The following RBFOX1 variants were observed in gnomAD, a reference collection of about 807,000 sequenced individuals.
RBFOX1 encodes the protein RNA binding fox-1 homolog 1.
In RBFOX1, 8 loss-of-function variants were observed where a neutral mutation model predicts 57.7. The observed-to-expected ratio is 0.14, with a 90% CI of 0.08 to 0.25. The LOEUF is 0.25. Ranked by LOEUF, RBFOX1 falls within the 10% of genes least tolerant of loss-of-function variation. The probability of loss-of-function intolerance (pLI) is 1.00; values close to 1 mark genes in which losing one functional copy is unlikely to be tolerated. For synonymous variants in RBFOX1, 326 were observed against 222.4 expected (o/e 1.47, Z -4.15); for missense variants, 611 against 548.5 (o/e 1.11, Z -1.14).
chr16:6,110,797 G>C (rs1193109674), intron 1 of RBFOX1, among the ~76,000 whole-genome samples: 3 of 152,098 alleles, frequency 2.0e-5, no homozygotes, highest in Non-Finnish European at 4.4e-5. Flanking sequence ...CTGCAACCAG[G>C]GAGGCAGTGC....
intron 2 of RBFOX1, among the ~76,000 whole-genome samples, chr16:6,420,358 C>T (rs997070246): frequency 6.6e-6 from 1 of 151,902 alleles, no homozygotes; most frequent in African/African-American, 2.4e-5. Flanking sequence ...TTTTCCCTAC[C>T]TCTTTCATTT....
chr16:6,584,449 C>G (rs373011418), intron 2 of RBFOX1, among the ~76,000 whole-genome samples: 167 of 151,698 alleles, frequency 1.1e-3, no homozygotes, highest in African/African-American at 3.9e-3. Context: ...CACACTCCAA[C>G]CTCTGCCTCC....
rs571102102 is a variant in RBFOX1, at chr16:5,472,581, C to T, written c.258+5327C>T. On this transcript the variant is annotated intron_variant, in intron 2 of 2. Transcript: ENST00000585867. ...GCATGCTGGAATGAAATCTTCTTCT[C>T]GTCTTCCAGGCTCCTTAATTATTTC... 9.2e-5 allele frequency among the ~76,000 whole-genome samples: 14 copies of T among 152,234 alleles called. No homozygotes were observed. In the East Asian group the frequency reaches 1.7e-3, roughly 19 times the overall value.
At chr16:6,805,650 G>C (rs1486269306) in intron 3 of RBFOX1, among the ~76,000 whole-genome samples, 1 of 149,888 alleles carries the variant, frequency 6.7e-6, no homozygotes, top group Non-Finnish European at 1.5e-5. Context: ...TTTACAAGGA[G>C]GGAAGTCTGT....
chr16:6,176,297 C>A (rs1011519713), intron 1 of RBFOX1, among the ~76,000 whole-genome samples: 2 of 150,340 alleles, frequency 1.3e-5, no homozygotes, highest in Admixed American at 1.3e-4. Flanking sequence ...AGGTGCCCAC[C>A]GCCATGCCTG....
intron 3 of RBFOX1, among the ~76,000 whole-genome samples, chr16:5,798,381 G>T (rs558962192): frequency 2.0e-5 from 3 of 152,324 alleles, no homozygotes; most frequent in East Asian, 1.9e-4. Flanking sequence ...GTCAGAAAAG[G>T]CTTTGTTGAG....
intron 3 of RBFOX1, among the ~76,000 whole-genome samples, chr16:5,715,632 C>T (rs557799796): frequency 6.6e-6 from 1 of 152,274 alleles, no homozygotes; most frequent in South Asian, 2.1e-4. Flanking sequence ...AATCTCCGTG[C>T]TGTCTCTTCT....
chr16:7,571,362 C>T (rs1292175511), intron 5 of RBFOX1, among the ~76,000 whole-genome samples: 1 of 152,148 alleles, frequency 6.6e-6, no homozygotes, highest in Admixed American at 6.5e-5. Context: ...TATCTCTACA[C>T]GACTATGCAT....
At chr16:5,717,556 G>C (rs1379183769) in intron 3 of RBFOX1, among the ~76,000 whole-genome samples, 1 of 151,906 alleles carries the variant, frequency 6.6e-6, no homozygotes, top group Non-Finnish European at 1.5e-5. Flanking sequence ...TTATGCTTTT[G>C]TATCCTCATA....
chr16:6,597,322 C>T (rs1233623226), intron 2 of RBFOX1, among the ~76,000 whole-genome samples: 2 of 152,104 alleles, frequency 1.3e-5, no homozygotes, highest in Non-Finnish European at 2.9e-5. Context: ...CTTTTCCTTT[C>T]CCTGTCTCCA....
intron 3 of RBFOX1, among the ~76,000 whole-genome samples, chr16:5,807,668 C>G (rs1031534326): frequency 1.3e-5 from 2 of 152,172 alleles, no homozygotes; most frequent in African/African-American, 4.8e-5. Flanking sequence ...TCTGGAAGTC[C>G]TGGCTTCTGA....
chr16:6,827,132 A>T (rs2092254586), intron 3 of RBFOX1, among the ~76,000 whole-genome samples: 1 of 152,182 alleles, frequency 6.6e-6, no homozygotes, highest in East Asian at 1.9e-4. Flanking sequence ...CAGTGAATAT[A>T]AGATATACCA....
chr16:7,307,487 A>G (rs979884570), intron 4 of RBFOX1, among the ~76,000 whole-genome samples: 3 of 152,230 alleles, frequency 2.0e-5, no homozygotes, highest in Non-Finnish European at 4.4e-5. Flanking sequence ...ATGAAGAAGC[A>G]ACTTTGATGT....
chr16:6,052,234 A>C (rs376278242), intron 1 of RBFOX1, among the ~76,000 whole-genome samples: 22 of 151,636 alleles, frequency 1.5e-4, no homozygotes, highest in African/African-American at 5.1e-4. Flanking sequence ...CATAGTAGGG[A>C]TTTATCCCTA....
intron 3 of RBFOX1, among the ~76,000 whole-genome samples, chr16:6,777,555 G>C (rs540277007): frequency 1.3e-4 from 20 of 152,206 alleles, no homozygotes; most frequent in African/African-American, 4.8e-4. Flanking sequence ...AGACCTTGCA[G>C]GCCTGTTTGC....
At chr16:6,997,214 A>C (rs535805600) in intron 3 of RBFOX1, among the ~76,000 whole-genome samples, 1 of 152,274 alleles carries the variant, frequency 6.6e-6, no homozygotes, top group East Asian at 1.9e-4. Context: ...AGGTTTCTTA[A>C]GAGATGGTAA....
At chr16:6,865,694 C>T (rs1466042931) in intron 3 of RBFOX1, among the ~76,000 whole-genome samples, 2 of 152,116 alleles carry the variant, frequency 1.3e-5, no homozygotes, top group Non-Finnish European at 2.9e-5. Flanking sequence ...TTAATAAGTT[C>T]ATTTTACCTT....
chr16:7,514,176 C>T (rs1035973046), intron 4 of RBFOX1, among the ~76,000 whole-genome samples: 3 of 152,184 alleles, frequency 2.0e-5, no homozygotes, highest in African/African-American at 7.2e-5. Flanking sequence ...AGCTATCCAA[C>T]TCTGCCTTTG....
intron 4 of RBFOX1, among the ~76,000 whole-genome samples, chr16:7,053,450 T>A (rs1042232933): frequency 6.6e-6 from 1 of 152,214 alleles, no homozygotes; most frequent in East Asian, 1.9e-4. Context: ...ATTACAACTT[T>A]AGATTTCTCT....
Sources: allele counts gnomAD v4.1 joint callset (sites outside exome capture counted in the v4.1 genomes callset), GRCh38; gene constraint gnomAD v4.1.1; transcripts MANE v1.5; gene names NCBI Gene and HGNC (gene_info 2026-07-23, HGNC 2026-07-21).